CACNA1C: variants seen among roughly 807,000 people sequenced by gnomAD.
CACNA1C encodes voltage-dependent L-type calcium channel subunit alpha-1C.
In CACNA1C, 30 loss-of-function variants were observed where a neutral mutation model predicts 229.0. The observed-to-expected ratio is 0.13, with a 90% CI of 0.10 to 0.18. The LOEUF (loss-of-function observed/expected upper bound fraction) is 0.18. Among genes scored for constraint, CACNA1C ranks in the 10% least tolerant of loss-of-function variants. CACNA1C has a pLI of 1.00. For missense variants in CACNA1C, 1,658 were observed against 2,845.0 expected, an observed-to-expected ratio of 0.58 and a Z score of 9.49; for synonymous variants, 1,114 against 1,132.5, an observed-to-expected ratio of 0.98 and a Z score of 0.33.
intron 3 of CACNA1C, among the ~76,000 whole-genome samples, chr12:2,365,045 C>A (rs2097688152): frequency 6.6e-6 from 1 of 152,222 alleles, no homozygotes; most frequent in African/African-American, 2.4e-5. Flanking sequence ...AGGAATTGAC[C>A]CAATGCATTT....
At chr12:2,120,126 C>T (rs1317213419) in intron 2 of CACNA1C, among the ~76,000 whole-genome samples, 199 bp from the exon 3 acceptor site, 1 of 152,206 alleles carries the variant, frequency 6.6e-6, no homozygotes, top group Non-Finnish European at 1.5e-5. Flanking sequence ...CTGCTTTTGA[C>T]ATATTAGGGA....
intron 8 of CACNA1C, among the ~76,000 whole-genome samples, chr12:2,510,576 G>A (rs1019753694): frequency 2.6e-5 from 4 of 152,172 alleles, no homozygotes; most frequent in Admixed American, 2.0e-4. Context: ...CCATGGGACT[G>A]TTGCTGTAAA....
At chr12:2,233,516 A>G (rs188652398) in intron 3 of CACNA1C, among the ~76,000 whole-genome samples, 6 of 152,168 alleles carry the variant, frequency 3.9e-5, no homozygotes, top group Non-Finnish European at 7.3e-5. Flanking sequence ...CAGATTGTTC[A>G]GCATTCTAAA....
In CACNA1C at chr12:2,493,173, TC is replaced by T; in HGVS notation, c.917-16del. The stretch of plus-strand genomic sequence containing the variant: ...TCCCTGCTGCTCCCGTCTCCTGTCT[TC>T]TTCTGGCCATTTGAGATGTTCCAGC... On this transcript the variant is annotated splice_polypyrimidine_tract_variant and intron_variant, in intron 6 of 46. Coordinates refer to ENST00000399655, the MANE Select transcript of CACNA1C (RefSeq NM_000719.7). This position sits in a 1 kb window ranked among gnomAD's most constrained non-coding sequence, Gnocchi z 4.6. 6.2e-7 allele frequency: 1 copy of T among 1,610,556 alleles called. No homozygotes were observed. The highest frequency in any genetic ancestry group is 8.5e-7 in the Non-Finnish European group (1 of 1,176,970).
intron 13 of CACNA1C, among the ~76,000 whole-genome samples, chr12:2,569,871 T>G (rs1363475164): frequency 6.6e-6 from 1 of 152,214 alleles, no homozygotes; most frequent in Non-Finnish European, 1.5e-5. Context: ...ACTGTCAAAC[T>G]GTTTTCCAAA....
intron 30 of CACNA1C, 139 bp from the exon 31 acceptor site, chr12:2,648,336 A>G (rs904575176): frequency 1.3e-6 from 1 of 784,450 alleles, no homozygotes; most frequent in East Asian, 2.6e-5. Flanking sequence ...TGCCAGGCCT[A>G]CGCTTTCACG....
intron 7 of CACNA1C, among the ~76,000 whole-genome samples, chr12:2,497,878 T>C (rs1253893964): frequency 6.6e-6 from 1 of 151,918 alleles, no homozygotes; most frequent in Non-Finnish European, 1.5e-5. Flanking sequence ...ATCTAATGAG[T>C]TAACTTTTCA....
In CACNA1C at chr12:2,585,641, C is replaced by T. The variant is rs1459296633; in HGVS notation, c.2460+145C>T. ...AAGCCAGTGGGGATGAACAGGAGAG[C>T]TGGGAGGGGGAAGATAAGGCAGATT... is the stretch of plus-strand genomic sequence containing the variant. On this transcript the variant is annotated intron_variant, in intron 17 of 46. Transcript: ENST00000399655. The surrounding 1 kb of genome is among the most constrained non-coding windows in gnomAD (Gnocchi z 4.1). 2.8e-6 allele frequency: 3 copies of T among 1,075,944 alleles called. No homozygotes were observed. In the East Asian group the frequency reaches 7.8e-5, roughly 28 times the overall value. The allele number at this position is 1,075,944 out of a possible 1,614,324, so 66.6% of individuals were successfully genotyped here.
chr12:2,600,868 G>A (rs923275601), intron 21 of CACNA1C, among the ~76,000 whole-genome samples: 6 of 152,158 alleles, frequency 3.9e-5, no homozygotes, highest in Non-Finnish European at 7.3e-5. Flanking sequence ...CCTTTTATGG[G>A]GCTCACCGTG....
At chr12:2,345,238 G>C (rs1012799784) in intron 3 of CACNA1C, among the ~76,000 whole-genome samples, 1 of 152,108 alleles carries the variant, frequency 6.6e-6, no homozygotes, top group South Asian at 2.1e-4. Flanking sequence ...CTATGGGGCA[G>C]GGGTGACATT....
intron 29 of CACNA1C, among the ~76,000 whole-genome samples, chr12:2,617,100 T>C (rs1470666135): frequency 6.6e-6 from 1 of 152,248 alleles, no homozygotes; most frequent in Non-Finnish European, 1.5e-5. Context: ...CCTTGTCTGC[T>C]TCTCAGAGAG....
chr12:2,391,174 G>A (rs2098473248), intron 3 of CACNA1C, among the ~76,000 whole-genome samples: 1 of 152,222 alleles, frequency 6.6e-6, no homozygotes, highest in Non-Finnish European at 1.5e-5. Context: ...GAGACAGGGA[G>A]CAGGAGAGCA....
At chr12:2,098,060 G>A (rs73603742) in intron 1 of CACNA1C, among the ~76,000 whole-genome samples, 2 of 152,180 alleles carry the variant, frequency 1.3e-5, no homozygotes, top group Non-Finnish European at 1.5e-5. Flanking sequence ...GTCTGAGTGC[G>A]CAGAGCAAAT....
chr12:2,508,378 A>G (rs1291647244), intron 8 of CACNA1C, among the ~76,000 whole-genome samples: 3 of 152,386 alleles, frequency 2.0e-5, no homozygotes, highest in Non-Finnish European at 4.4e-5. Context: ...AGGGCTGCGC[A>G]TGGTGGCTCA....
intron 3 of CACNA1C, among the ~76,000 whole-genome samples, chr12:2,213,889 AT>A (rs1260558840): frequency 6.6e-6 from 1 of 152,062 alleles, no homozygotes; most frequent in Non-Finnish European, 1.5e-5. Flanking sequence ...GCTGTAGCCC[AT>A]TTTCTCATGT....
chr12:2,225,165 A>T (rs1046082531), intron 3 of CACNA1C, among the ~76,000 whole-genome samples: 9 of 152,208 alleles, frequency 5.9e-5, no homozygotes, highest in Non-Finnish European at 1.5e-5. Context: ...TATCTTCAAT[A>T]TGAAGAAGAT....
chr12:2,495,586 G>A (rs561155830), intron 7 of CACNA1C, among the ~76,000 whole-genome samples: 5 of 152,240 alleles, frequency 3.3e-5, no homozygotes, highest in Non-Finnish European at 7.3e-5. Flanking sequence ...CATAATGACA[G>A]CCGGGGCGGG....
intron 1 of CACNA1C, chr12:1,993,401 A>G (rs756159533): frequency 1.2e-6 from 2 of 1,608,724 alleles, no homozygotes; most frequent in South Asian, 1.1e-5. Flanking sequence ...CCTAAAAATC[A>G]CAAGGAGTCA....
At chr12:2,027,355 CCTT>C (rs1371058098) in intron 1 of CACNA1C, among the ~76,000 whole-genome samples, 1 of 152,216 alleles carries the variant, frequency 6.6e-6, no homozygotes, top group African/African-American at 2.4e-5. Flanking sequence ...CCATCTCTCT[CCTT>C]CTGTCTTCCC....
Sources: gnomAD v4.1 joint callset for allele counts (sites outside exome capture counted in the v4.1 genomes callset) on GRCh38, gnomAD v4.1.1 for gene constraint, Gnocchi (gnomAD v3.1) non-coding constraint, MANE v1.5 for transcripts, NCBI Gene and HGNC (gene_info 2026-07-23, HGNC 2026-07-21) for gene names.